Variants in TGFA observed in about 807,000 individuals in gnomAD.
TGFA encodes protransforming growth factor alpha.
Under a neutral mutation model 21.7 loss-of-function variants are expected in TGFA, and 12 were observed. That is an observed-to-expected ratio of 0.55 (90% CI 0.35 to 0.90). The LOEUF is 0.90. Ranked by LOEUF, TGFA falls within the 40% of genes least tolerant of loss-of-function variation. TGFA has a pLI of 0.01. For missense variants in TGFA, 178 were observed against 210.8 expected (o/e 0.84, Z 0.96); for synonymous variants, 79 against 88.1 (o/e 0.90, Z 0.58).
At chr2:70,508,299 G>C (rs1671989447) in intron 2 of TGFA, among the ~76,000 whole-genome samples, 1 of 152,184 alleles carries the variant, frequency 6.6e-6, no homozygotes. Flanking sequence ...ACAAAAATTA[G>C]CTGGGCGTGG....
rs1671489005 is a variant in TGFA, at chr2:70,493,360, A to G, written c.94+21499T>C. Among the ~76,000 whole-genome samples the G allele has an allele frequency of 3.3e-5, 5 of 152,272 alleles. No individual in the cohort carries two copies. In the South Asian group the frequency reaches 1.0e-3, roughly 32 times the overall value. ...GCCTTGACGTGACACTATAGCTTCAAACTTCTTATTCTGTATGTACAAAAT... is the reference window on the plus strand; with the variant it reads ...GCCTTGACGTGACACTATAGCTTCAGACTTCTTATTCTGTATGTACAAAAT... On this transcript the variant is annotated intron_variant, in intron 2 of 5. Coordinates refer to ENST00000295400, the MANE Select transcript of TGFA (RefSeq NM_003236.4).
chr2:70,543,539 AG>A (rs1323758769), intron 1 of TGFA, among the ~76,000 whole-genome samples: 4 of 151,144 alleles, frequency 2.6e-5, no homozygotes, highest in Non-Finnish European at 4.4e-5. Context: ...AAAAAAAAAA[AG>A]AAAAAAAAAG....
chr2:70,490,846 T>C (rs1205332559), intron 2 of TGFA, among the ~76,000 whole-genome samples: 2 of 152,222 alleles, frequency 1.3e-5, no homozygotes, highest in Non-Finnish European at 2.9e-5. Context: ...TATCTGGTCC[T>C]GGAGTCCGCT....
intron 1 of TGFA, among the ~76,000 whole-genome samples, chr2:70,549,776 A>G (rs782783490): frequency 2.6e-5 from 4 of 152,240 alleles, no homozygotes; most frequent in Non-Finnish European, 5.9e-5. Flanking sequence ...CAGTAACAGT[A>G]ACAAGAAGCA....
At position 70,553,754 on chromosome 2, in the gene TGFA, G is replaced by A; in HGVS notation, c.14C>T (p.Ala5Val). 1 of 1,298,230 alleles carries A rather than the reference G, an allele frequency of 7.7e-7. No homozygotes were observed. The highest frequency in any genetic ancestry group is 9.8e-7 in the Non-Finnish European group (1 of 1,016,466). The allele number at this position is 1,298,230 out of a possible 1,614,324, so 80.4% of individuals were successfully genotyped here. The change falls in exon 1 of 6, where the codon GCT becomes GTT. Residue 5 changes from alanine to valine, a missense_variant. Coordinates refer to ENST00000295400, the MANE Select transcript of TGFA (RefSeq NM_003236.4). MVPSAGQLALFALGI... is the reference protein window; with the variant it reads MVPSVGQLALFALGI... The stretch of plus-strand genomic sequence containing the variant: ...CAGAGCGAACAGGGCGAGCTGTCCA[G>A]CCGAGGGGACCATTTTACGGGCGGG...
chr2:70,455,431 G>C (rs1670200636), intron 4 of TGFA, among the ~76,000 whole-genome samples: 1 of 152,168 alleles, frequency 6.6e-6, no homozygotes, highest in Admixed American at 6.5e-5. Flanking sequence ...CCACAACCTT[G>C]CCAGAGGGGC....
chr2:70,521,609 G>GTTTTTTTTTTTTTTTTTTTTTTTTTTTTT (rs797022948), intron 1 of TGFA, among the ~76,000 whole-genome samples: 10 of 78,872 alleles, frequency 1.3e-4, no homozygotes, highest in East Asian at 4.0e-4. Flanking sequence ...TTTTGTTGTT[G>GTTTTTTTTTTTTTTTTTTTTTTTTTTTTT]TTTGTTTGTT....
At chr2:70,505,200 G>A (rs755322627) in intron 2 of TGFA, among the ~76,000 whole-genome samples, 32 of 152,106 alleles carry the variant, frequency 2.1e-4, no homozygotes, top group Non-Finnish European at 4.0e-4. Flanking sequence ...TATAATTTAC[G>A]TTAATAATAA....
chr2:70,476,020 T>A (rs1574084399), intron 2 of TGFA, among the ~76,000 whole-genome samples: 1 of 138,312 alleles, frequency 7.2e-6, no homozygotes, highest in East Asian at 2.4e-4. Context: ...CATGACCCCA[T>A]TTCTCCAGCT....
intron 1 of TGFA, among the ~76,000 whole-genome samples, chr2:70,518,814 A>T (rs1276201946): frequency 6.6e-6 from 1 of 152,250 alleles, no homozygotes; most frequent in East Asian, 1.9e-4. Flanking sequence ...AGCAGAGTGG[A>T]CCATGTCCTG....
chr2:70,454,319 G>T (rs1336065693), intron 4 of TGFA, among the ~76,000 whole-genome samples: 1 of 152,210 alleles, frequency 6.6e-6, no homozygotes, highest in Admixed American at 6.5e-5. Flanking sequence ...AGCTGCAAAG[G>T]TTACTGGAGC....
intron 2 of TGFA, among the ~76,000 whole-genome samples, chr2:70,513,783 G>A (rs1672178271): frequency 6.6e-6 from 1 of 152,158 alleles, no homozygotes; most frequent in African/African-American, 2.4e-5. Flanking sequence ...CCTCCCACTG[G>A]AACCTCTCTG....
At chr2:70,504,467 CACATACAT>C (rs1308758543) in intron 2 of TGFA, among the ~76,000 whole-genome samples, 3 of 82,882 alleles carry the variant, frequency 3.6e-5, no homozygotes, top group African/African-American at 8.4e-5. Flanking sequence ...TATATATACA[CACATACAT>C]ACATACATAC....
chr2:70,517,975 C>T (rs569582202), intron 1 of TGFA, among the ~76,000 whole-genome samples: 2 of 152,398 alleles, frequency 1.3e-5, no homozygotes, highest in Non-Finnish European at 2.9e-5. Context: ...CTTAGAAAGC[C>T]AGGCTGTGTG....
intron 4 of TGFA, 51 bp from the exon 5 acceptor site, chr2:70,453,378 A>G (rs1670122882): frequency 1.3e-6 from 2 of 1,544,956 alleles, no homozygotes; most frequent in Non-Finnish European, 1.8e-6. Context: ...TAGGAGGGCC[A>G]GGGTGGTACA....
Position 70,471,106 on chromosome 2 carries a change from C to T in TGFA, c.95-5370G>A, listed in dbSNP as rs377727783. Among the ~76,000 whole-genome samples, 69 of 140,484 alleles carry T rather than the reference C, an allele frequency of 4.9e-4. 1 individual carries two copies. Among genetic ancestry groups the T allele is most frequent in the African/African-American group, 1.7e-3 (60 of 34,870 alleles). The allele number at this position is 140,484 out of a possible 152,430, so 92.2% of individuals were successfully genotyped here. ...ATTCTGTTACGTGCATTCTCCTCCC[C>T]GCACCCCCCCCACCATATAACCAAA... is the stretch of plus-strand genomic sequence containing the variant. On this transcript the variant is annotated intron_variant, in intron 2 of 5. Transcript: ENST00000295400.
chr2:70,465,821 T>C, intron 2 of TGFA, 85 bp from the exon 3 acceptor site: 1 of 1,567,980 alleles, frequency 6.4e-7, no homozygotes, highest in Non-Finnish European at 8.6e-7. Context: ...GTCAAGAAGG[T>C]GGAGCCCCTG....
At position 70,483,796 on chromosome 2, in the gene TGFA, C is replaced by T. The variant is rs1193798876; in HGVS notation, c.95-18060G>A. ...ACACCTGCCACCTAGGAGGCACTAA[C>T]GTGCTTGTTCCCTCAACAAAGTGCT... On this transcript the variant is annotated intron_variant, in intron 2 of 5. Coordinates refer to ENST00000295400, the MANE Select transcript of TGFA (RefSeq NM_003236.4). Among the ~76,000 whole-genome samples, 9 of 152,182 alleles carry T rather than the reference C, an allele frequency of 5.9e-5. No homozygotes were observed. In the South Asian group the frequency reaches 6.2e-4, roughly 11 times the overall value.
At chr2:70,535,171 T>A (rs1672935559) in intron 1 of TGFA, among the ~76,000 whole-genome samples, 1 of 151,998 alleles carries the variant, frequency 6.6e-6, no homozygotes, top group African/African-American at 2.4e-5. Context: ...TTGGCCATTA[T>A]CTTTTAGAAG....
Sources: allele counts gnomAD v4.1 joint callset (sites outside exome capture counted in the v4.1 genomes callset), GRCh38; gene constraint gnomAD v4.1.1; transcripts MANE v1.5; gene names NCBI Gene and HGNC (gene_info 2026-07-23, HGNC 2026-07-21).